RNF13: variants seen among roughly 807,000 people sequenced by gnomAD.
RNF13 encodes ring finger protein 13.
Under a neutral mutation model 37.7 loss-of-function variants are expected in RNF13, and 19 were observed. That is an observed-to-expected ratio of 0.50 (90% CI 0.35 to 0.74). The LOEUF is 0.74. Ranked by LOEUF, RNF13 falls within the 30% of genes least tolerant of loss-of-function variation. RNF13 has a pLI of 0.01. For missense variants in RNF13, 375 were observed against 453.0 expected, an observed-to-expected ratio of 0.83 and a Z score of 1.56; for synonymous variants, 144 against 157.8, an observed-to-expected ratio of 0.91 and a Z score of 0.65.
chr3:149,947,161 G>A (rs1479685923), intron 8 of RNF13, among the ~76,000 whole-genome samples: 2 of 152,058 alleles, frequency 1.3e-5, no homozygotes, highest in African/African-American at 4.8e-5. Flanking sequence ...TTACATTTAA[G>A]GCTTTTTTCG....
chr3:149,860,270 A>AAAATATATATATAT (rs1302318768), intron 3 of RNF13, among the ~76,000 whole-genome samples: 5 of 104,092 alleles, frequency 4.8e-5, no homozygotes, highest in African/African-American at 2.1e-4. Flanking sequence ...AAAAAAAAAA[A>AAAATATATATATAT]ATATATATAT....
At chr3:149,838,713 G>T (rs555100458) in intron 1 of RNF13, among the ~76,000 whole-genome samples, 1 of 152,354 alleles carries the variant, frequency 6.6e-6, no homozygotes, top group South Asian at 2.1e-4. Flanking sequence ...TGATGGGAGA[G>T]GCTGCCATGA....
intron 7 of RNF13, 59 bp downstream of exon 7, chr3:149,912,142 T>C (rs1717062232): frequency 1.3e-6 from 1 of 792,794 alleles, no homozygotes; most frequent in East Asian, 2.5e-5. Context: ...CTAAAAACAT[T>C]GTATTGAGTG....
intron 1 of RNF13, among the ~76,000 whole-genome samples, chr3:149,829,611 C>G (rs1720842631): frequency 6.6e-6 from 1 of 152,012 alleles, no homozygotes; most frequent in Non-Finnish European, 1.5e-5. Context: ...TGCTTTCTTG[C>G]AAAAAATATT....
intron 4 of RNF13, among the ~76,000 whole-genome samples, chr3:149,882,738 C>T (rs975370359): frequency 6.6e-6 from 1 of 151,956 alleles, no homozygotes; most frequent in Non-Finnish European, 1.5e-5. Flanking sequence ...TGAAATTAGT[C>T]CATATTTATA....
intron 8 of RNF13, among the ~76,000 whole-genome samples, chr3:149,934,109 C>G (rs1719448049): frequency 6.6e-6 from 1 of 152,044 alleles, no homozygotes; most frequent in Non-Finnish European, 1.5e-5. Context: ...TCAGTCTTGA[C>G]AGGTGTACAT....
chr3:149,855,637 T>A (rs1482028462), intron 3 of RNF13, among the ~76,000 whole-genome samples: 6 of 147,728 alleles, frequency 4.1e-5, no homozygotes, highest in Admixed American at 3.3e-4. Flanking sequence ...TATATATGTA[T>A]TTTTTTTCCC....
intron 4 of RNF13, among the ~76,000 whole-genome samples, chr3:149,890,750 A>G (rs1345141349): frequency 2.6e-5 from 4 of 152,086 alleles, no homozygotes; most frequent in African/African-American, 2.4e-5. Context: ...TTAAGATACC[A>G]TTTGCCCTGT....
At position 149,914,802 on chromosome 3, in the gene RNF13, G is replaced by T. The variant is rs554137113; in HGVS notation, c.606+2719G>T. On this transcript the variant is annotated intron_variant, in intron 7 of 9. Transcript: ENST00000392894. Reference sequence around the variant, plus strand: ...AAAATACAAAATTTAGCTGGGTGTGGTGGCAGGCGTCTATAATCCCAGCTA... The same window carrying T: ...AAAATACAAAATTTAGCTGGGTGTGTTGGCAGGCGTCTATAATCCCAGCTA... Among the ~76,000 whole-genome samples, 26 of 152,130 alleles carry T rather than the reference G, an allele frequency of 1.7e-4. 1 individual carries two copies. The South Asian group carries it at 5.0e-3, about 29-fold the overall frequency.
chr3:149,900,070 G>A (rs1207247654), intron 5 of RNF13, among the ~76,000 whole-genome samples: 1 of 152,130 alleles, frequency 6.6e-6, no homozygotes, highest in East Asian at 1.9e-4. Flanking sequence ...TTTGTTTTCA[G>A]TAGATAATGT....
intron 8 of RNF13, chr3:149,939,002 C>A: frequency 2.1e-6 from 1 of 474,046 alleles, no homozygotes; most frequent in South Asian, 1.7e-5. Flanking sequence ...AAAGAGACTT[C>A]CTCCACTGCC....
Position 149,948,719 on chromosome 3 carries a change from C to T in RNF13, c.701-11337C>T, listed in dbSNP as rs539735035. 3.3e-5 allele frequency among the ~76,000 whole-genome samples: 5 copies of T among 152,280 alleles called. No homozygotes were observed. The South Asian group carries it at 1.0e-3, about 32-fold the overall frequency. On this transcript the variant is annotated intron_variant, in intron 8 of 9. Coordinates refer to ENST00000392894, the MANE Select transcript of RNF13 (RefSeq NM_183381.3). Reference sequence around the variant, plus strand: ...TGCTTATCATTTAATGTAATTATTACTTTTTATGCTTTTAGAAAAATTCTG... The same window carrying T: ...TGCTTATCATTTAATGTAATTATTATTTTTTATGCTTTTAGAAAAATTCTG...
chr3:149,854,147 G>A (rs1056348204), intron 3 of RNF13, among the ~76,000 whole-genome samples: 7 of 151,840 alleles, frequency 4.6e-5, no homozygotes, highest in African/African-American at 1.7e-4. Context: ...GAATTTCTTA[G>A]TAAGATACCA....
chr3:149,952,610 T>G (rs1721451383), intron 8 of RNF13, among the ~76,000 whole-genome samples: 1 of 152,158 alleles, frequency 6.6e-6, no homozygotes, highest in Non-Finnish European at 1.5e-5. Context: ...AAATGCTTTT[T>G]TTTTTTGAGA....
intron 8 of RNF13, among the ~76,000 whole-genome samples, chr3:149,936,313 A>G (rs1255924325): frequency 6.6e-6 from 1 of 152,084 alleles, no homozygotes; most frequent in Non-Finnish European, 1.5e-5. Flanking sequence ...ATTTCTTTGA[A>G]TAAGCTCTGT....
intron 1 of RNF13, among the ~76,000 whole-genome samples, chr3:149,839,623 G>A (rs1252140458): frequency 3.3e-5 from 5 of 151,904 alleles, no homozygotes; most frequent in Admixed American, 6.5e-5. Context: ...CATGAGAATA[G>A]CATGGGAAAG....
At chr3:149,891,672 A>G (rs1459011324) in intron 4 of RNF13, among the ~76,000 whole-genome samples, 1 of 152,240 alleles carries the variant, frequency 6.6e-6, no homozygotes, top group African/African-American at 2.4e-5. Flanking sequence ...GATTGCCAAT[A>G]CAATTTAGAA....
intron 8 of RNF13, among the ~76,000 whole-genome samples, chr3:149,956,743 A>G (rs887671268): frequency 3.3e-5 from 5 of 152,174 alleles, no homozygotes; most frequent in Non-Finnish European, 7.4e-5. Flanking sequence ...TTCTTCCACA[A>G]CTTCTGACAT....
At chr3:149,876,470 C>G (rs1291775750) in intron 4 of RNF13, among the ~76,000 whole-genome samples, 1 of 152,098 alleles carries the variant, frequency 6.6e-6, no homozygotes, top group African/African-American at 2.4e-5. Context: ...TGTAATGTGG[C>G]TTTTATAAAA....
Sources: allele counts gnomAD v4.1 joint callset (sites outside exome capture counted in the v4.1 genomes callset), GRCh38; gene constraint gnomAD v4.1.1; transcripts MANE v1.5; gene names NCBI Gene and HGNC (gene_info 2026-07-23, HGNC 2026-07-21).